The following CCDC91 variants were observed in gnomAD, a reference collection of about 807,000 sequenced individuals.
CCDC91 encodes the protein coiled-coil domain containing 91.
CCDC91 carries 48 observed loss-of-function variants against 63.2 expected under a neutral mutation model. The observed-to-expected ratio is 0.76, with a 90% CI of 0.60 to 0.97. The LOEUF (loss-of-function observed/expected upper bound fraction) is 0.97, where lower values mean the gene tolerates loss of function less well. CCDC91 is among the 50% of genes least tolerant of loss of function. The pLI, the probability that CCDC91 is intolerant of heterozygous loss-of-function variation, is 0.00. For synonymous variants in CCDC91, 167 were observed against 165.8 expected (o/e 1.01, Z -0.06); for missense variants, 500 against 494.6 (o/e 1.01, Z -0.10).
intron 8 of CCDC91, among the ~76,000 whole-genome samples, chr12:28,403,089 T>A (rs927695549): frequency 6.6e-6 from 1 of 152,216 alleles, no homozygotes; most frequent in African/African-American, 2.4e-5. Context: ...TTTATGATTA[T>A]TGATCTATAG....
intron 6 of CCDC91, among the ~76,000 whole-genome samples, chr12:28,320,863 A>G (rs1363137292): frequency 6.6e-6 from 1 of 151,726 alleles, no homozygotes. Flanking sequence ...TGAACTTTGG[A>G]CTTTTCTCAG....
At chr12:28,415,063 A>G (rs1947555807) in intron 8 of CCDC91, among the ~76,000 whole-genome samples, 1 of 152,216 alleles carries the variant, frequency 6.6e-6, no homozygotes, top group South Asian at 2.1e-4. Flanking sequence ...AAATATAATT[A>G]GCTAACATTT....
chr12:28,301,695 CT>C (rs1182673386), intron 3 of CCDC91, among the ~76,000 whole-genome samples: 2 of 151,210 alleles, frequency 1.3e-5, no homozygotes, highest in Admixed American at 1.3e-4. Context: ...GAGCCTGATG[CT>C]TTCTTTGTTG....
intron 6 of CCDC91, among the ~76,000 whole-genome samples, chr12:28,342,390 A>G (rs927183999): frequency 2.0e-5 from 3 of 152,184 alleles, no homozygotes; most frequent in Non-Finnish European, 2.9e-5. Context: ...GAAAACTAAT[A>G]TAGTAGGCCA....
intron 12 of CCDC91, among the ~76,000 whole-genome samples, chr12:28,502,715 G>A (rs1271361844): frequency 6.6e-6 from 1 of 151,488 alleles, no homozygotes; most frequent in Admixed American, 6.6e-5. Context: ...AAACAGCATG[G>A]TACTGGTACC....
chr12:28,336,326 T>C (rs1281037622), intron 6 of CCDC91, among the ~76,000 whole-genome samples: 2 of 152,100 alleles, frequency 1.3e-5, no homozygotes, highest in East Asian at 3.8e-4. Context: ...ATAATAATAA[T>C]TGGAAAATTG....
chr12:28,530,077 T>C (rs1478376735), intron 12 of CCDC91, among the ~76,000 whole-genome samples: 2 of 152,338 alleles, frequency 1.3e-5, no homozygotes, highest in East Asian at 3.9e-4. Flanking sequence ...CAGTCCCACA[T>C]TCTCTCTGTC....
At chr12:28,450,716 G>T (rs1949763232) in intron 10 of CCDC91, among the ~76,000 whole-genome samples, 2 of 151,736 alleles carry the variant, frequency 1.3e-5, no homozygotes, top group South Asian at 4.1e-4. Flanking sequence ...ATTAGAGGTT[G>T]TGTGTGCATC....
intron 11 of CCDC91, among the ~76,000 whole-genome samples, chr12:28,455,134 G>C (rs1949998377): frequency 7.1e-6 from 1 of 140,414 alleles, no homozygotes; most frequent in Non-Finnish European, 1.5e-5. Flanking sequence ...AAGAAAAATA[G>C]GCATGTAGAA....
chr12:28,380,884 T>G (rs1294900866), intron 7 of CCDC91, among the ~76,000 whole-genome samples: 2 of 152,162 alleles, frequency 1.3e-5, no homozygotes, highest in African/African-American at 4.8e-5. Context: ...CTAATTATAC[T>G]GCAGGAAAAG....
intron 1 of CCDC91, among the ~76,000 whole-genome samples, chr12:28,228,429 T>C (rs1205844621): frequency 2.6e-5 from 4 of 152,096 alleles, no homozygotes; most frequent in Non-Finnish European, 1.5e-5. Context: ...ATTTAATTCA[T>C]TGTATGATTC....
chr12:28,537,227 A>T (rs1187869482), intron 12 of CCDC91, among the ~76,000 whole-genome samples: 1 of 152,010 alleles, frequency 6.6e-6, no homozygotes, highest in Admixed American at 6.6e-5. Flanking sequence ...AGAAAGGGGG[A>T]AAAAAAGGAG....
At chr12:28,267,124 G>A (rs148997073) in intron 3 of CCDC91, among the ~76,000 whole-genome samples, 41 of 151,838 alleles carry the variant, frequency 2.7e-4, no homozygotes, top group Middle Eastern at 3.4e-3. Flanking sequence ...AAGATATACA[G>A]TGAAAAATTT....
At chr12:28,273,868 G>T (rs1456418073) in intron 3 of CCDC91, among the ~76,000 whole-genome samples, 2 of 152,062 alleles carry the variant, frequency 1.3e-5, no homozygotes, top group South Asian at 4.1e-4. Context: ...GTCAATTTTG[G>T]CTTTTGTTGC....
intron 6 of CCDC91, among the ~76,000 whole-genome samples, chr12:28,360,408 T>C (rs111715230): frequency 2.6e-5 from 4 of 152,290 alleles, no homozygotes; most frequent in African/African-American, 9.6e-5. Flanking sequence ...GAGTTATCCT[T>C]TGCAGTCATT....
chr12:28,499,771 T>A (rs1952526644), intron 12 of CCDC91, among the ~76,000 whole-genome samples: 1 of 152,146 alleles, frequency 6.6e-6, no homozygotes, highest in African/African-American at 2.4e-5. Flanking sequence ...TGGTTCCAAG[T>A]CTTTGCTATT....
intron 3 of CCDC91, chr12:28,304,568 A>G (rs1938503892): frequency 2.2e-5 from 13 of 595,166 alleles, no homozygotes; most frequent in Admixed American, 7.1e-5. Context: ...ATCAATCACA[A>G]ATTGATGTAT....
In CCDC91 at chr12:28,201,425, C is replaced by T. The variant is rs562043299; in HGVS notation, c.-15+10784C>T. Reference sequence around the variant, plus strand: ...GCAGAGGCTCTCCCCACATCTCAGACGATGGGCGGCCAGGCAGAGACGCTC... The same window carrying T: ...GCAGAGGCTCTCCCCACATCTCAGATGATGGGCGGCCAGGCAGAGACGCTC... On this transcript the variant is annotated intron_variant, in intron 1 of 12. Coordinates refer to ENST00000536442, the MANE Select transcript of CCDC91 (RefSeq NM_018318.5). Among the ~76,000 whole-genome samples, 17 of 133,716 alleles carry T rather than the reference C, an allele frequency of 1.3e-4. 1 individual carries two copies. Among genetic ancestry groups the T allele is most frequent in the Admixed American group, 3.5e-4 (5 of 14,150 alleles). The allele number at this position is 133,716 out of a possible 152,430, so 87.7% of individuals were successfully genotyped here.
At chr12:28,205,163 T>C (rs1942749193) in intron 1 of CCDC91, among the ~76,000 whole-genome samples, 1 of 151,952 alleles carries the variant, frequency 6.6e-6, no homozygotes, top group Non-Finnish European at 1.5e-5. Context: ...GTCAGGAATA[T>C]GCTCAATTAT....
Sources: gnomAD v4.1 joint callset for allele counts (sites outside exome capture counted in the v4.1 genomes callset) on GRCh38, gnomAD v4.1.1 for gene constraint, MANE v1.5 for transcripts, NCBI Gene and HGNC (gene_info 2026-07-23, HGNC 2026-07-21) for gene names.